Variants in SPSB1 observed in about 807,000 individuals in gnomAD.
SPSB1 encodes the protein SPRY domain-containing SOCS box protein 1.
Under a neutral mutation model 21.2 loss-of-function variants are expected in SPSB1, and 8 were observed. That is an observed-to-expected ratio of 0.38 (90% CI 0.22 to 0.68). The LOEUF (loss-of-function observed/expected upper bound fraction) is 0.68. Ranked by LOEUF, SPSB1 falls within the 30% of genes least tolerant of loss-of-function variation. The pLI, the probability that SPSB1 is intolerant of heterozygous loss-of-function variation, is 0.53. For synonymous variants in SPSB1, 169 were observed against 161.7 expected, an observed-to-expected ratio of 1.05 and a Z score of -0.34; for missense variants, 242 against 377.8, an observed-to-expected ratio of 0.64 and a Z score of 2.98.
In SPSB1 at chr1:9,356,855, A is replaced by G. The variant is rs559746038; in HGVS notation, c.694+270A>G. On this transcript the variant is annotated intron_variant, in intron 2 of 2. Coordinates refer to ENST00000328089, the MANE Select transcript of SPSB1 (RefSeq NM_025106.4). This position sits in a 1 kb window ranked among gnomAD's most constrained non-coding sequence, Gnocchi z 7.4. The stretch of plus-strand genomic sequence containing the variant: ...AATAGATGGATGAATGATTGGTTGG[A>G]TGGATGGATGATGAATAGATGGATA... 6.6e-6 allele frequency among the ~76,000 whole-genome samples: 1 copy of G among 152,264 alleles called. No individual in the cohort carries two copies. The highest frequency in any genetic ancestry group is 1.5e-5 in the Non-Finnish European group (1 of 68,020).
chr1:9,293,630 C>T lies in SPSB1; in HGVS notation c.-150+559C>T, dbSNP rs1557441415. ...CGCCGCCCTCCCCGCCGCCCCGGAG[C>T]CGCCGCGGCTTCTCCCAGCAGCGGA... is the stretch of plus-strand genomic sequence containing the variant. On this transcript the variant is annotated intron_variant, in intron 1 of 2. Coordinates refer to ENST00000328089, the MANE Select transcript of SPSB1 (RefSeq NM_025106.4). This position sits in a 1 kb window ranked among gnomAD's most constrained non-coding sequence, Gnocchi z 5.1. Among the ~76,000 whole-genome samples the T allele has an allele frequency of 6.6e-6, 1 of 152,080 alleles. No homozygotes were observed. Among genetic ancestry groups the T allele is most frequent in the Non-Finnish European group, 1.5e-5 (1 of 67,990 alleles).
At chr1:9,311,495 T>C (rs1320783186) in intron 1 of SPSB1, among the ~76,000 whole-genome samples, 7 of 152,156 alleles carry the variant, frequency 4.6e-5, no homozygotes, top group African/African-American at 2.4e-5. Context: ...CTCTTCACCA[T>C]GCATGGGACA....
rs185021883 is a variant in SPSB1 at position 9,322,083 on chromosome 1, C to T, written c.-150+29012C>T. Among the ~76,000 whole-genome samples, 318 of 152,258 alleles carry T rather than the reference C, an allele frequency of 2.1e-3. 3 individuals carry two copies. The highest frequency in any genetic ancestry group is 2.6e-4 in the Non-Finnish European group (18 of 68,018). On this transcript the variant is annotated intron_variant, in intron 1 of 2. Transcript: ENST00000328089. ...GTGCACTCCCCGAGCACCCATCCTG[C>T]AAGGGGCTTGAATGGCTCTTTATTA... is the stretch of plus-strand genomic sequence containing the variant.
chr1:9,369,035 AAT>A lies in SPSB1; in HGVS notation c.*1468_*1469del, dbSNP rs1249447318. 1 of 152,494 alleles carries A rather than the reference AAT, an allele frequency of 6.6e-6. No homozygotes were observed. Among genetic ancestry groups the A allele is most frequent in the African/African-American group, 2.4e-5 (1 of 41,364 alleles). 9.4% of individuals were successfully genotyped at this position (152,494 alleles called of 1,614,324 possible). A position where few individuals can be genotyped will look rare whatever the true frequency, so the allele number is the denominator to read the frequency against. On this transcript the variant is annotated 3_prime_UTR_variant, in exon 3 of 3. Coordinates refer to ENST00000328089, the MANE Select transcript of SPSB1 (RefSeq NM_025106.4). ...ATGACTTTATTTGTTTAAAATGTTT[AAT>A]ATATATACATACATATATATATATT...
At position 9,356,230 on chromosome 1, in the gene SPSB1, C is replaced by T. The variant is rs202196379; in HGVS notation, c.339C>T (p.Ala113=). 2.2e-5 allele frequency: 35 copies of T among 1,603,568 alleles called. No individual in the cohort carries two copies. The highest frequency in any genetic ancestry group is 1.9e-4 in the African/African-American group (14 of 74,934). Residue 113 remains alanine (A), a synonymous_variant, in exon 2 of 3, where the codon GCC becomes GCT. Coordinates refer to ENST00000328089, the MANE Select transcript of SPSB1 (RefSeq NM_025106.4). This position sits in a 1 kb window ranked among gnomAD's most constrained non-coding sequence, Gnocchi z 7.4. The part of the protein sequence containing the change: ...TWAMRQRGTH[A]VVGVATADAP... ...CCATGAGACAGCGGGGCACACACGCCGTGGTGGGGGTGGCGACGGCAGACG... is the reference window on the plus strand; with the variant it reads ...CCATGAGACAGCGGGGCACACACGCTGTGGTGGGGGTGGCGACGGCAGACG...
chr1:9,295,864 C>T lies in SPSB1; in HGVS notation c.-150+2793C>T, dbSNP rs191517597. 2.1e-3 allele frequency among the ~76,000 whole-genome samples: 324 copies of T among 152,314 alleles called. 2 individuals are homozygous for T. Among genetic ancestry groups the T allele is most frequent in the South Asian group, 6.0e-3 (29 of 4,826 alleles). ...TAGGTTGTAGCTGGTGTGCATGACT[C>T]AGTGTATCTTTTGGTTCTGAAAAAT... On this transcript the variant is annotated intron_variant, in intron 1 of 2. Transcript: ENST00000328089.
intron 2 of SPSB1, among the ~76,000 whole-genome samples, chr1:9,366,976 G>T (rs962417325): frequency 1.8e-4 from 27 of 152,260 alleles, no homozygotes; most frequent in Non-Finnish European, 3.7e-4. Context: ...GTGCCAGGAA[G>T]AGCTGGCTCC....
At chr1:9,307,965 A>C (rs1224207739) in intron 1 of SPSB1, among the ~76,000 whole-genome samples, 3 of 152,052 alleles carry the variant, frequency 2.0e-5, no homozygotes, top group Admixed American at 1.3e-4. Context: ...ACCGACCCTG[A>C]GGCTGGGAGT....
chr1:9,366,953 G>A (rs1345104924), intron 2 of SPSB1, among the ~76,000 whole-genome samples: 2 of 152,256 alleles, frequency 1.3e-5, no homozygotes, highest in African/African-American at 4.8e-5. Flanking sequence ...CCTGAAGCTA[G>A]TGCTGGGGGT....
At chr1:9,319,391 T>TCTCCTCC (rs372159966) in intron 1 of SPSB1, among the ~76,000 whole-genome samples, 2,482 of 151,618 alleles carry the variant, frequency 0.016, 71 homozygotes, top group African/African-American at 0.057. Context: ...GTGCTTTGCT[T>TCTCCTCC]CTCCTCCCTC....
At chr1:9,351,046 C>T (rs1338360489) in intron 1 of SPSB1, among the ~76,000 whole-genome samples, 2 of 152,202 alleles carry the variant, frequency 1.3e-5, no homozygotes, top group African/African-American at 4.8e-5. Flanking sequence ...GCGCCATGTC[C>T]AGGAATTGTG....
chr1:9,339,165 T>C (rs572070957), intron 1 of SPSB1: 2 of 977,356 alleles, frequency 2.0e-6, no homozygotes, highest in East Asian at 2.3e-4. Context: ...CCCTCACCCC[T>C]CTTCTGTCAT....
In SPSB1 at chr1:9,348,977, G is replaced by A. The variant is rs1204524270; in HGVS notation, c.-149-6766G>A. On this transcript the variant is annotated intron_variant, in intron 1 of 2. Coordinates refer to ENST00000328089, the MANE Select transcript of SPSB1 (RefSeq NM_025106.4). The surrounding 1 kb of genome is among the most constrained non-coding windows in gnomAD (Gnocchi z 4.8). ...TGTGTGTGTGTGTATATGTGCGTGT[G>A]TGCACGTGCATGTGTGTGTGTAGTG... Among the ~76,000 whole-genome samples, 1 of 152,096 alleles carries A rather than the reference G, an allele frequency of 6.6e-6. No homozygotes were observed. The highest frequency in any genetic ancestry group is 2.4e-5 in the African/African-American group (1 of 41,408).
rs148753648 is a variant in SPSB1 at position 9,332,518 on chromosome 1, G to GGA, written c.-149-23222_-149-23221dup. Among the ~76,000 whole-genome samples the GGA allele has an allele frequency of 9.3e-4, 142 of 152,298 alleles. 1 individual carries two copies. The highest frequency in any genetic ancestry group is 3.3e-3 in the African/African-American group (136 of 41,560). ...TGAGTGGGAGCAGGGTCACTGCTGG[G>GGA]GAGATGATATTTGGTGGACACGTCA... On this transcript the variant is annotated intron_variant, in intron 1 of 2. Transcript: ENST00000328089.
At chr1:9,309,283 T>TGAGA (rs748979653) in intron 1 of SPSB1, among the ~76,000 whole-genome samples, 296 of 137,720 alleles carry the variant, frequency 2.1e-3, no homozygotes, top group Non-Finnish European at 3.1e-3. Context: ...AGAGAGAGTG[T>TGAGA]GAGAGAGAGA....
At chr1:9,366,048 G>A (rs1462063947) in intron 2 of SPSB1, among the ~76,000 whole-genome samples, 1 of 152,228 alleles carries the variant, frequency 6.6e-6, no homozygotes, top group African/African-American at 2.4e-5. Flanking sequence ...GAAGCTGACG[G>A]CTCATCTGAG....
intron 1 of SPSB1, among the ~76,000 whole-genome samples, chr1:9,350,900 G>T (rs1253814733): frequency 6.6e-6 from 1 of 152,240 alleles, no homozygotes; most frequent in Non-Finnish European, 1.5e-5. Flanking sequence ...CCCAGCTCCT[G>T]CCTGAAGTGT....
intron 1 of SPSB1, among the ~76,000 whole-genome samples, chr1:9,340,661 G>A (rs557279592): frequency 1.3e-5 from 2 of 152,354 alleles, no homozygotes; most frequent in African/African-American, 4.8e-5. Context: ...GGTCTGAGCC[G>A]CCTGTGCTGT....
chr1:9,356,161 A>C lies in SPSB1; in HGVS notation c.270A>C (p.Lys90Asn). ...AGAGCACGGACGCTATCAGGGGCAA[A>C]GTCGGGTATACCCGTGGGCTGCACG... ...VAQSTDAIRGKVGYTRGLHVW... is the reference protein window; with the variant it reads ...VAQSTDAIRGNVGYTRGLHVW... Residue 90 changes from lysine (K) to asparagine (N), a missense_variant, in exon 2 of 3, where the codon AAA (lysine) becomes AAC (asparagine). Physicochemically the swap from Lys to Asn is moderately conservative, Grantham distance 94 (BLOSUM62 0). Coordinates refer to ENST00000328089, the MANE Select transcript of SPSB1 (RefSeq NM_025106.4). The surrounding 1 kb of genome is among the most constrained non-coding windows in gnomAD (Gnocchi z 7.4). 1 of 1,586,216 alleles carries C rather than the reference A, an allele frequency of 6.3e-7. No homozygotes were observed. Among genetic ancestry groups the C allele is most frequent in the Non-Finnish European group, 8.6e-7 (1 of 1,162,866 alleles).
Sources: allele counts gnomAD v4.1 joint callset (sites outside exome capture counted in the v4.1 genomes callset), GRCh38; gene constraint gnomAD v4.1.1; non-coding constraint Gnocchi (gnomAD v3.1); transcripts MANE v1.5; gene names NCBI Gene and HGNC (gene_info 2026-07-23, HGNC 2026-07-21).